ST3GAL1: variants seen among roughly 807,000 people sequenced by gnomAD.
The protein encoded by ST3GAL1 is ST3 beta-galactoside alpha-2,3-sialyltransferase 1.
ST3GAL1 carries 16 observed loss-of-function variants against 34.1 expected under a neutral mutation model. That is an observed-to-expected ratio of 0.47 (90% CI 0.32 to 0.71). ST3GAL1 has a LOEUF of 0.71. Among genes scored for constraint, ST3GAL1 ranks in the 30% least tolerant of loss-of-function variants. The pLI, the probability that ST3GAL1 is intolerant of heterozygous loss-of-function variation, is 0.04. For missense variants in ST3GAL1, 353 were observed against 447.4 expected, an observed-to-expected ratio of 0.79 and a Z score of 1.90; for synonymous variants, 191 against 184.7, an observed-to-expected ratio of 1.03 and a Z score of -0.28.
chr8:133,570,563 A>G lies in ST3GAL1; in HGVS notation c.-582+1130T>C, dbSNP rs1819537203. 6.6e-6 allele frequency among the ~76,000 whole-genome samples: 1 copy of G among 152,086 alleles called. No individual in the cohort carries two copies. Among genetic ancestry groups the G allele is most frequent in the East Asian group, 1.9e-4 (1 of 5,150 alleles). ...GGCTCCAGCTGACGAGCAGAGCCAG[A>G]CGATCCCCACACGCTTCCTGGGAGA... On this transcript the variant is annotated intron_variant, in intron 1 of 9. Coordinates refer to ENST00000522652, the MANE Select transcript of ST3GAL1 (RefSeq NM_173344.3). The surrounding 1 kb of genome is among the most constrained non-coding windows in gnomAD (Gnocchi z 5.6).
chr8:133,500,445 A>G (rs1817112582), intron 2 of ST3GAL1, among the ~76,000 whole-genome samples: 1 of 152,172 alleles, frequency 6.6e-6, no homozygotes, highest in Non-Finnish European at 1.5e-5. Flanking sequence ...AACAAGCAAC[A>G]CCTGCTCTTT....
At chr8:133,507,857 A>C (rs1817390344) in intron 2 of ST3GAL1, among the ~76,000 whole-genome samples, 1 of 152,120 alleles carries the variant, frequency 6.6e-6, no homozygotes, top group Non-Finnish European at 1.5e-5. Flanking sequence ...TGCAGAGTAG[A>C]TGCTGCTGGC....
intron 3 of ST3GAL1, among the ~76,000 whole-genome samples, chr8:133,496,748 C>T (rs937834816): frequency 1.3e-5 from 2 of 152,200 alleles, no homozygotes; most frequent in African/African-American, 2.4e-5. Context: ...CAGGGCCTCT[C>T]TCGGCCATAA....
chr8:133,465,715 A>C, intron 6 of ST3GAL1, 179 bp downstream of exon 6: 1 of 603,756 alleles, frequency 1.7e-6, no homozygotes, highest in Non-Finnish European at 2.8e-6. Context: ...CAATCCTGCA[A>C]TGATGCAGAG....
At chr8:133,468,468 G>A (rs534758668) in intron 5 of ST3GAL1, among the ~76,000 whole-genome samples, 3 of 152,308 alleles carry the variant, frequency 2.0e-5, no homozygotes, top group African/African-American at 7.2e-5. Flanking sequence ...GCTGGGAGGA[G>A]GAGGAGGTAA....
chr8:133,457,562 C>G lies in ST3GAL1; in HGVS notation c.*2202G>C, dbSNP rs1335303594. On this transcript the variant is annotated 3_prime_UTR_variant, in exon 10 of 10. Coordinates refer to ENST00000522652, the MANE Select transcript of ST3GAL1 (RefSeq NM_173344.3). ...GAATGATGACTCAGTGATTTACCAG[C>G]CTTTCTCAGAAAAAAGAAAAGTCTT... 6.6e-6 allele frequency: 1 copy of G among 152,130 alleles called. No individual in the cohort carries two copies. The highest frequency in any genetic ancestry group is 1.5e-5 in the Non-Finnish European group (1 of 68,028). The allele number at this position is 152,130 out of a possible 1,614,324, so 9.4% of individuals were successfully genotyped here. A position where few individuals can be genotyped will look rare whatever the true frequency, so the allele number is the denominator to read the frequency against.
intron 5 of ST3GAL1, among the ~76,000 whole-genome samples, chr8:133,472,019 T>C (rs181577706): frequency 6.6e-6 from 1 of 151,964 alleles, no homozygotes; most frequent in East Asian, 1.9e-4. Context: ...GAATTGGACA[T>C]GGGGACTGGG....
rs1050104290 is a variant in ST3GAL1 at position 133,456,433 on chromosome 8, G to A, written c.*3331C>T. The A allele has an allele frequency of 2.6e-5, 4 of 152,274 alleles. No individual in the cohort carries two copies. Among genetic ancestry groups the A allele is most frequent in the Non-Finnish European group, 5.9e-5 (4 of 68,074 alleles). 9.4% of individuals were successfully genotyped at this position (152,274 alleles called of 1,614,324 possible). On this transcript the variant is annotated 3_prime_UTR_variant, in exon 10 of 10. Transcript: ENST00000522652. ...GCAGGGCCAGTCTCCAAGGAACTCT[G>A]TCTGCAGAGTAGAAAGAGCTGTGGG...
At position 133,510,546 on chromosome 8, in the gene ST3GAL1, A is replaced by AT. The variant is rs1204957583; in HGVS notation, c.-428-11358_-428-11357insA. On this transcript the variant is annotated intron_variant, in intron 2 of 9. Transcript: ENST00000522652. ...TCAGACTTCTCCTCTGTAAAATGGGAATGCAAGTAAAAATGAGAGTGGATT... is the reference window on the plus strand; with the variant it reads ...TCAGACTTCTCCTCTGTAAAATGGGATATGCAAGTAAAAATGAGAGTGGATT... Among the ~76,000 whole-genome samples the AT allele has an allele frequency of 6.4e-4, 97 of 152,346 alleles. 1 individual carries two copies. Among genetic ancestry groups the AT allele is most frequent in the African/African-American group, 2.3e-3 (94 of 41,578 alleles).
intron 3 of ST3GAL1, among the ~76,000 whole-genome samples, chr8:133,495,993 G>A (rs1816934521): frequency 1.3e-5 from 2 of 152,142 alleles, no homozygotes; most frequent in African/African-American, 4.8e-5. Context: ...GCCCTCATAA[G>A]CACTTGTTTA....
At chr8:133,494,200 A>G (rs1816873429) in intron 3 of ST3GAL1, among the ~76,000 whole-genome samples, 1 of 152,212 alleles carries the variant, frequency 6.6e-6, no homozygotes, top group South Asian at 2.1e-4. Context: ...ATGCCTGGGA[A>G]GCAATGTTCT....
In ST3GAL1 at chr8:133,461,750, CA is replaced by C; in HGVS notation, c.849+124del. 7.2e-7 allele frequency: 1 copy of C among 1,382,536 alleles called. No individual in the cohort carries two copies. The highest frequency in any genetic ancestry group is 1.0e-6 in the Non-Finnish European group (1 of 1,002,592). The allele number at this position is 1,382,536 out of a possible 1,614,324, so 85.6% of individuals were successfully genotyped here. A position where few individuals can be genotyped will look rare whatever the true frequency, so the allele number is the denominator to read the frequency against. On this transcript the variant is annotated intron_variant, in intron 9 of 9. Transcript: ENST00000522652. This position sits in a 1 kb window ranked among gnomAD's most constrained non-coding sequence, Gnocchi z 4.7. ...CATGTTGCAAGTCCTGTCGTAGAGA[CA>C]GGGAATCCGAGCTTCCGGAAGAGGC...
chr8:133,491,980 T>C (rs1468819473), intron 3 of ST3GAL1, among the ~76,000 whole-genome samples: 1 of 152,108 alleles, frequency 6.6e-6, no homozygotes, highest in Non-Finnish European at 1.5e-5. Flanking sequence ...GCTGCCAAGC[T>C]GTCCAGTGGG....
chr8:133,479,547 G>A (rs1816306780), intron 3 of ST3GAL1, among the ~76,000 whole-genome samples: 1 of 152,212 alleles, frequency 6.6e-6, no homozygotes, highest in Admixed American at 6.5e-5. Context: ...TAATGCCAGG[G>A]CAGAGATGAG....
At chr8:133,465,057 G>T in intron 6 of ST3GAL1, 100 bp from the exon 7 acceptor site, 3 of 1,236,190 alleles carry the variant, frequency 2.4e-6, no homozygotes, top group Non-Finnish European at 3.4e-6. Flanking sequence ...TGACTTCAGG[G>T]GTGTCACCTG....
rs1273417561 is a variant in ST3GAL1, at chr8:133,465,858, C to A, written c.503+36G>T. 7 of 1,595,464 alleles carry A rather than the reference C, an allele frequency of 4.4e-6. No homozygotes were observed. In the East Asian group the frequency reaches 1.3e-4, roughly 31 times the overall value. On this transcript the variant is annotated intron_variant, in intron 6 of 9. Coordinates refer to ENST00000522652, the MANE Select transcript of ST3GAL1 (RefSeq NM_173344.3). ...TACAGCTCCAAGGGGCCCCTGGGTG[C>A]AGCACGGTAGGCTTGGGAGAGGGTC...
intron 1 of ST3GAL1, among the ~76,000 whole-genome samples, chr8:133,559,087 G>C (rs114199303): frequency 0.014 from 2,190 of 151,866 alleles, 44 homozygotes; most frequent in African/African-American, 0.044. Flanking sequence ...TAAGCCACTG[G>C]GACAGGCTGT....
Position 133,466,120 on chromosome 8 carries a change from C to T in ST3GAL1, c.307-30G>A. 2.5e-6 allele frequency: 4 copies of T among 1,586,538 alleles called. No homozygotes were observed. Among genetic ancestry groups the T allele is most frequent in the Non-Finnish European group, 3.4e-6 (4 of 1,162,768 alleles). On this transcript the variant is annotated intron_variant, in intron 5 of 9. Transcript: ENST00000522652. The surrounding 1 kb of genome is among the most constrained non-coding windows in gnomAD (Gnocchi z 4.4). ...GGGCGGAGGACAGAAGGTGGTCAACCTGGCTTTGTGGCTCCAGCCTCCTGG... is the reference window on the plus strand; with the variant it reads ...GGGCGGAGGACAGAAGGTGGTCAACTTGGCTTTGTGGCTCCAGCCTCCTGG...
chr8:133,487,903 G>T (rs1172925703), intron 3 of ST3GAL1, among the ~76,000 whole-genome samples: 1 of 151,880 alleles, frequency 6.6e-6, no homozygotes, highest in Admixed American at 6.6e-5. Flanking sequence ...GGGAGGCAGA[G>T]GTTGCAGTGA....
Sources: gnomAD v4.1 joint callset for allele counts (sites outside exome capture counted in the v4.1 genomes callset) on GRCh38, gnomAD v4.1.1 for gene constraint, Gnocchi (gnomAD v3.1) non-coding constraint, MANE v1.5 for transcripts, NCBI Gene and HGNC (gene_info 2026-07-23, HGNC 2026-07-21) for gene names.